The following CSMD3 variants were observed in gnomAD, a reference collection of about 807,000 sequenced individuals.
CSMD3 encodes the protein CUB and sushi domain-containing protein 3.
CSMD3 carries 177 observed loss-of-function variants against 435.2 expected under a neutral mutation model. The observed-to-expected ratio is 0.41, with a 90% CI of 0.36 to 0.46. The LOEUF (loss-of-function observed/expected upper bound fraction) is 0.46. CSMD3 is among the 20% of genes least tolerant of loss of function. The pLI, the probability that CSMD3 is intolerant of heterozygous loss-of-function variation, is 0.34. For missense variants in CSMD3, 4,265 were observed against 4,504.6 expected (o/e 0.95, Z 1.52); for synonymous variants, 1,656 against 1,520.5 (o/e 1.09, Z -2.07).
At chr8:112,966,995 T>C (rs549252921) in intron 7 of CSMD3, among the ~76,000 whole-genome samples, 2 of 151,964 alleles carry the variant, frequency 1.3e-5, no homozygotes, top group Non-Finnish European at 2.9e-5. Context: ...CTCTCCATGA[T>C]GATCATCTTC....
chr8:112,553,858 A>G (rs934773516), intron 25 of CSMD3, among the ~76,000 whole-genome samples: 2 of 151,948 alleles, frequency 1.3e-5, no homozygotes, highest in African/African-American at 4.8e-5. Context: ...TAGATACTAT[A>G]TTGCACCAAA....
At chr8:112,404,302 G>C (rs767890721) in intron 35 of CSMD3, among the ~76,000 whole-genome samples, 3 of 152,092 alleles carry the variant, frequency 2.0e-5, no homozygotes, top group Non-Finnish European at 2.9e-5. Context: ...GGCCGAGGCG[G>C]GTGGATCACG....
At chr8:112,394,115 T>G (rs1586976664) in intron 35 of CSMD3, among the ~76,000 whole-genome samples, 1 of 152,304 alleles carries the variant, frequency 6.6e-6, no homozygotes. Flanking sequence ...CTCTTTCATC[T>G]TAGGGATTGT....
intron 3 of CSMD3, among the ~76,000 whole-genome samples, chr8:113,239,354 A>G (rs773144971): frequency 6.6e-5 from 10 of 152,058 alleles, no homozygotes; most frequent in Non-Finnish European, 1.2e-4. Flanking sequence ...TAGAGACACC[A>G]TGTCTATTTT....
At chr8:112,907,406 C>T (rs1015442866) in intron 10 of CSMD3, among the ~76,000 whole-genome samples, 2 of 151,446 alleles carry the variant, frequency 1.3e-5, no homozygotes, top group Non-Finnish European at 3.0e-5. Flanking sequence ...AGCTGGAAAT[C>T]ACACACATTT....
intron 11 of CSMD3, among the ~76,000 whole-genome samples, chr8:112,843,395 T>C (rs543108686): frequency 6.6e-6 from 1 of 151,876 alleles, no homozygotes; most frequent in Admixed American, 6.6e-5. Flanking sequence ...TTGTTACTCC[T>C]CATTGCCACC....
intron 17 of CSMD3, among the ~76,000 whole-genome samples, chr8:112,657,226 C>A (rs941926740): frequency 6.6e-6 from 1 of 152,088 alleles, no homozygotes; most frequent in Admixed American, 6.5e-5. Context: ...CCACGCCTGG[C>A]GGATTTTTGT....
intron 32 of CSMD3, among the ~76,000 whole-genome samples, chr8:112,419,170 G>T (rs75246979): frequency 4.4e-3 from 675 of 152,112 alleles, no homozygotes; most frequent in Non-Finnish European, 6.6e-3. Flanking sequence ...GGCACTTATG[G>T]TTATTATCAT....
intron 32 of CSMD3, among the ~76,000 whole-genome samples, chr8:112,462,505 G>T (rs1163189054): frequency 1.3e-5 from 2 of 152,110 alleles, no homozygotes; most frequent in African/African-American, 4.8e-5. Context: ...TATACACAAT[G>T]AATGTGAATA....
chr8:112,713,023 C>A (rs1254646863), intron 13 of CSMD3, among the ~76,000 whole-genome samples: 2 of 152,048 alleles, frequency 1.3e-5, no homozygotes, highest in African/African-American at 4.8e-5. Context: ...GTATGCAAAT[C>A]CAGCACCAGC....
At chr8:112,991,516 G>A (rs1251114613) in intron 6 of CSMD3, among the ~76,000 whole-genome samples, 3 of 151,692 alleles carry the variant, frequency 2.0e-5, no homozygotes, top group Non-Finnish European at 2.9e-5. Flanking sequence ...AAATATCACC[G>A]AATCTGTGCA....
At chr8:113,360,374 G>A (rs528218035) in intron 1 of CSMD3, among the ~76,000 whole-genome samples, 77 of 152,118 alleles carry the variant, frequency 5.1e-4, no homozygotes, top group African/African-American at 1.8e-3. Context: ...ATAATTTGCA[G>A]ATAAATTAGG....
intron 12 of CSMD3, among the ~76,000 whole-genome samples, chr8:112,801,871 A>C (rs1283161255): frequency 6.6e-6 from 1 of 152,046 alleles, no homozygotes; most frequent in Non-Finnish European, 1.5e-5. Flanking sequence ...ACTACCTCAA[A>C]GAGAATACTA....
intron 32 of CSMD3, among the ~76,000 whole-genome samples, chr8:112,447,170 G>C (rs1284070649): frequency 3.9e-5 from 6 of 151,976 alleles, no homozygotes; most frequent in East Asian, 3.9e-4. Context: ...AAATCTCTTT[G>C]AGCCTTTGGA....
At chr8:112,320,029 T>C (rs752769252) in intron 45 of CSMD3, 48 bp from the exon 46 acceptor site, 1 of 1,186,906 alleles carries the variant, frequency 8.4e-7, no homozygotes. Flanking sequence ...CAGCTACATG[T>C]ATTCACATAT....
At chr8:112,970,395 CAAAAAA>C (rs11284034) in intron 7 of CSMD3, among the ~76,000 whole-genome samples, 273 of 82,154 alleles carry the variant, frequency 3.3e-3, no homozygotes, top group African/African-American at 0.012. Context: ...GACTCCCTCT[CAAAAAA>C]AAAAAAAAAA....
At chr8:112,687,722 T>C (rs994953858) in intron 14 of CSMD3, among the ~76,000 whole-genome samples, 1 of 152,164 alleles carries the variant, frequency 6.6e-6, no homozygotes, top group Non-Finnish European at 1.5e-5. Context: ...TGGATTGAAT[T>C]CAGATTGCAG....
Position 113,329,887 on chromosome 8 carries a change from A to C in CSMD3, c.179-15094T>G, listed in dbSNP as rs530121441. ...AGGAGAAATAATGACATTTGAAAAA[A>C]ATAAAAACTGCTAAAATGCATCACT... On this transcript the variant is annotated intron_variant, in intron 1 of 70. Coordinates refer to ENST00000297405, the MANE Select transcript of CSMD3 (RefSeq NM_198123.2). 1.3e-3 allele frequency among the ~76,000 whole-genome samples: 202 copies of C among 152,300 alleles called. 2 individuals are homozygous for C. The highest frequency in any genetic ancestry group is 4.7e-3 in the African/African-American group (196 of 41,592).
chr8:112,956,519 A>T (rs2130842634), intron 7 of CSMD3, among the ~76,000 whole-genome samples: 1 of 152,226 alleles, frequency 6.6e-6, no homozygotes, highest in East Asian at 1.9e-4. Context: ...GCATTATAAG[A>T]TTTGACTTTA....
Sources: allele counts gnomAD v4.1 joint callset (sites outside exome capture counted in the v4.1 genomes callset), GRCh38; gene constraint gnomAD v4.1.1; transcripts MANE v1.5; gene names NCBI Gene and HGNC (gene_info 2026-07-23, HGNC 2026-07-21).